The following CCND3 variants were observed in gnomAD, a reference collection of about 807,000 sequenced individuals.
CCND3 encodes G1/S-specific cyclin-D3.
CCND3 carries 9 observed loss-of-function variants against 28.7 expected under a neutral mutation model. The ratio of observed to expected loss-of-function variants is 0.31; its 90% CI spans 0.19 to 0.55. CCND3 has a LOEUF of 0.55. Ranked by LOEUF, CCND3 falls within the 20% of genes least tolerant of loss-of-function variation. CCND3 has a pLI of 0.93. For missense variants in CCND3, 315 were observed against 385.8 expected (o/e 0.82, Z 1.54); for synonymous variants, 164 against 163.9 (o/e 1.00, Z 0.00).
At chr6:42,024,718 TGA>T (rs1283359845) in intron 1 of CCND3, among the ~76,000 whole-genome samples, 1 of 152,006 alleles carries the variant, frequency 6.6e-6, no homozygotes, top group Non-Finnish European at 1.5e-5. Flanking sequence ...GGTAGGAGTT[TGA>T]CACCAGCCTG....
chr6:42,020,044 C>T (rs950783563), intron 1 of CCND3, among the ~76,000 whole-genome samples: 10 of 152,006 alleles, frequency 6.6e-5, no homozygotes, highest in Admixed American at 2.6e-4. Context: ...TTTGGGAGGC[C>T]GAGGCGGGCG....
At chr6:42,041,202 G>C (rs1266300458) in intron 1 of CCND3, among the ~76,000 whole-genome samples, 1 of 152,164 alleles carries the variant, frequency 6.6e-6, no homozygotes, top group East Asian at 1.9e-4. Flanking sequence ...AAAACTTTCT[G>C]AGGACCACCC....
chr6:41,941,087 C>G lies in CCND3; in HGVS notation c.198+365G>C. On this transcript the variant is annotated intron_variant, in intron 1 of 4. Transcript: ENST00000372991. The surrounding 1 kb of genome is among the most constrained non-coding windows in gnomAD (Gnocchi z 6.1). ...AAAGACACAGGAACCGGCTCCCGGGCGGGGGCGGCCGAGCCCAGGGTTTTC... is the reference window on the plus strand; with the variant it reads ...AAAGACACAGGAACCGGCTCCCGGGGGGGGGCGGCCGAGCCCAGGGTTTTC... 6.5e-7 allele frequency: 1 copy of G among 1,550,090 alleles called. No homozygotes were observed.
intron 1 of CCND3, among the ~76,000 whole-genome samples, chr6:41,996,693 T>C (rs1346447627): frequency 2.1e-5 from 3 of 142,342 alleles, no homozygotes; most frequent in Non-Finnish European, 4.5e-5. Context: ...TGAGACGGAG[T>C]CTTGCCCTGT....
At chr6:41,952,811 A>AGTGT (rs58133117) in intron 1 of CCND3, among the ~76,000 whole-genome samples, 3,150 of 150,736 alleles carry the variant, frequency 0.021, 70 homozygotes, top group African/African-American at 0.046. Flanking sequence ...AGTGAGTGTG[A>AGTGT]GTGTGTGTGT....
At chr6:42,006,071 G>C (rs1299420711) in intron 1 of CCND3, among the ~76,000 whole-genome samples, 1 of 151,800 alleles carries the variant, frequency 6.6e-6, no homozygotes. Context: ...GGAGGCTGAG[G>C]GGGTAGGATT....
chr6:41,973,643 G>C (rs1349208214), intron 1 of CCND3, among the ~76,000 whole-genome samples: 3 of 152,130 alleles, frequency 2.0e-5, no homozygotes, highest in African/African-American at 7.2e-5. Context: ...GCATGACCTT[G>C]ACAAGTCTTG....
intron 1 of CCND3, among the ~76,000 whole-genome samples, chr6:41,990,856 T>C (rs1762626206): frequency 1.3e-5 from 2 of 151,592 alleles, no homozygotes; most frequent in African/African-American, 4.8e-5. Flanking sequence ...AATTTTTGTA[T>C]TTTTAGTAGA....
chr6:42,018,012 G>A (rs1763573773), intron 1 of CCND3, among the ~76,000 whole-genome samples: 1 of 151,674 alleles, frequency 6.6e-6, no homozygotes, highest in Non-Finnish European at 1.5e-5. Context: ...AGCCGGGCAT[G>A]GTGGCACATG....
intron 1 of CCND3, among the ~76,000 whole-genome samples, chr6:42,042,464 G>A (rs1383203583): frequency 2.6e-5 from 4 of 151,874 alleles, no homozygotes; most frequent in African/African-American, 4.8e-5. Context: ...GGGTTCTAGC[G>A]ATTCTTCTGC....
intron 1 of CCND3, among the ~76,000 whole-genome samples, chr6:42,047,725 CAGTG>C (rs1229735904): frequency 1.3e-5 from 2 of 152,180 alleles, no homozygotes; most frequent in Non-Finnish European, 2.9e-5. Context: ...CCCTATATTC[CAGTG>C]TCCAACACCA....
At chr6:41,945,527 T>A (rs1026791049), upstream of CCND3, among the ~76,000 whole-genome samples, 1 of 150,706 alleles carries the variant, frequency 6.6e-6, no homozygotes, top group Non-Finnish European at 1.5e-5. Flanking sequence ...AAAAAAAAAG[T>A]CCGCATCTGA....
intron 1 of CCND3, among the ~76,000 whole-genome samples, chr6:42,011,318 T>G (rs1763340333): frequency 6.6e-6 from 1 of 152,090 alleles, no homozygotes. Context: ...AGAGACGGGA[T>G]CTAACTTTGT....
chr6:42,039,764 C>T (rs1006352206), intron 1 of CCND3, among the ~76,000 whole-genome samples: 6 of 152,248 alleles, frequency 3.9e-5, no homozygotes, highest in Admixed American at 2.6e-4. Context: ...CCACCACCCA[C>T]TCCTGCTTCC....
chr6:42,025,604 C>T (rs906501102), intron 1 of CCND3, among the ~76,000 whole-genome samples: 5 of 152,214 alleles, frequency 3.3e-5, no homozygotes, highest in Admixed American at 6.5e-5. Flanking sequence ...TGCTCCACTG[C>T]CCTCCCCTCC....
chr6:41,983,215 T>TA (rs1762396152), intron 1 of CCND3, among the ~76,000 whole-genome samples: 1 of 151,848 alleles, frequency 6.6e-6, no homozygotes, highest in Non-Finnish European at 1.5e-5. Flanking sequence ...CTGTCTGTAC[T>TA]AAAAATACAA....
chr6:42,030,569 AC>A (rs1182106403), intron 1 of CCND3, among the ~76,000 whole-genome samples: 1 of 152,016 alleles, frequency 6.6e-6, no homozygotes. Context: ...ATGTGCACAG[AC>A]CCGGCCTCCA....
rs1775792554 is a variant in CCND3, at chr6:41,936,289, A to G, written c.712-182T>C. 1.4e-6 allele frequency: 1 copy of G among 709,994 alleles called. No homozygotes were observed. The highest frequency in any genetic ancestry group is 2.3e-6 in the Non-Finnish European group (1 of 440,206). The allele number at this position is 709,994 out of a possible 1,614,324, so 44.0% of individuals were successfully genotyped here. On this transcript the variant is annotated intron_variant, in intron 4 of 4. Transcript: ENST00000372991. The surrounding 1 kb of genome is among the most constrained non-coding windows in gnomAD (Gnocchi z 4.4). ...AGAGGATGTGGCAAGGGAGTGTGAG[A>G]GCAGCCCTGCATCTGACACCAAACC...
chr6:41,978,638 G>A (rs912058283), intron 1 of CCND3, among the ~76,000 whole-genome samples: 7 of 152,142 alleles, frequency 4.6e-5, no homozygotes, highest in African/African-American at 1.7e-4. Flanking sequence ...GTTGGGGGAA[G>A]TGTGGTGCTG....
Sources: allele counts gnomAD v4.1 joint callset (sites outside exome capture counted in the v4.1 genomes callset), GRCh38; gene constraint gnomAD v4.1.1; non-coding constraint Gnocchi (gnomAD v3.1); transcripts MANE v1.5; gene names NCBI Gene and HGNC (gene_info 2026-07-23, HGNC 2026-07-21).